ULK4: variants seen among roughly 807,000 people sequenced by gnomAD.
The protein encoded by ULK4 is inactive serine/threonine-protein kinase ULK4.
A neutral mutation model predicts 160.6 loss-of-function variants in ULK4; 133 were observed. The observed-to-expected ratio is 0.83, with a 90% CI of 0.72 to 0.96. ULK4 has a LOEUF of 0.96. Ranked by LOEUF, ULK4 falls within the 40% of genes least tolerant of loss-of-function variation. The pLI, the probability that ULK4 is intolerant of heterozygous loss-of-function variation, is 0.00. For missense variants in ULK4, 1,580 were observed against 1,499.5 expected, an observed-to-expected ratio of 1.05 and a Z score of -0.89; for synonymous variants, 534 against 539.8, an observed-to-expected ratio of 0.99 and a Z score of 0.15.
chr3:41,844,156 T>C (rs1395298149), intron 17 of ULK4, among the ~76,000 whole-genome samples: 1 of 152,124 alleles, frequency 6.6e-6, no homozygotes, highest in Non-Finnish European at 1.5e-5. Flanking sequence ...GCCAGTCCCG[T>C]GCCCTGTGCC....
intron 21 of ULK4, among the ~76,000 whole-genome samples, chr3:41,762,924 A>G (rs552983767): frequency 1.3e-5 from 2 of 152,122 alleles, no homozygotes; most frequent in African/African-American, 4.8e-5. Context: ...CAGCCTCCCA[A>G]AATGCTGGGA....
At chr3:41,353,256 C>A (rs1327045399) in intron 35 of ULK4, among the ~76,000 whole-genome samples, 1 of 152,202 alleles carries the variant, frequency 6.6e-6, no homozygotes, top group Non-Finnish European at 1.5e-5. Context: ...TAAGCATTGA[C>A]CTACCTCACC....
intron 22 of ULK4, among the ~76,000 whole-genome samples, chr3:41,753,707 T>A (rs73828245): frequency 0.08 from 12,198 of 152,236 alleles, 1,566 homozygotes; most frequent in African/African-American, 0.27. Context: ...ACTGGTCTAA[T>A]ATTGACTCCC....
intron 17 of ULK4, among the ~76,000 whole-genome samples, chr3:41,844,179 C>A (rs1458301459): frequency 6.6e-6 from 1 of 152,182 alleles, no homozygotes; most frequent in Non-Finnish European, 1.5e-5. Flanking sequence ...CACTCCTCAG[C>A]CCTTGGGTGG....
At chr3:41,820,940 A>C (rs2041126145) in intron 18 of ULK4, among the ~76,000 whole-genome samples, 1 of 152,192 alleles carries the variant, frequency 6.6e-6, no homozygotes, top group Non-Finnish European at 1.5e-5. Flanking sequence ...GCTCCAACTC[A>C]AAAATCACTA....
intron 32 of ULK4, among the ~76,000 whole-genome samples, chr3:41,501,829 C>T (rs1468453324): frequency 6.6e-6 from 1 of 152,112 alleles, no homozygotes; most frequent in South Asian, 2.1e-4. Flanking sequence ...TTCCCTGCAC[C>T]TCACCCCTCC....
chr3:41,416,496 CTATACCCCTCAA>C (rs1290454738), intron 34 of ULK4, among the ~76,000 whole-genome samples: 1 of 152,166 alleles, frequency 6.6e-6, no homozygotes, highest in Non-Finnish European at 1.5e-5. Flanking sequence ...TTTTCAACTG[CTATACCCCTCAA>C]AACAAAACTA....
intron 32 of ULK4, among the ~76,000 whole-genome samples, chr3:41,537,722 G>C (rs2086556196): frequency 6.6e-6 from 1 of 152,158 alleles, no homozygotes; most frequent in Non-Finnish European, 1.5e-5. Flanking sequence ...TCATTGTCCA[G>C]GCTTTCTTGC....
At chr3:41,577,697 T>A (rs953963709) in intron 31 of ULK4, among the ~76,000 whole-genome samples, 3 of 152,052 alleles carry the variant, frequency 2.0e-5, no homozygotes, top group Non-Finnish European at 4.4e-5. Context: ...AATCATTTAA[T>A]TTTAAAGACA....
chr3:41,819,745 T>A (rs1321343260), intron 18 of ULK4, among the ~76,000 whole-genome samples: 1 of 152,196 alleles, frequency 6.6e-6, no homozygotes, highest in Non-Finnish European at 1.5e-5. Context: ...GATCCCCTCA[T>A]TAGAAGGTAG....
rs1323564944 is a variant in ULK4 at position 41,610,106 on chromosome 3, C to T, written c.3120+5563G>A. 2.0e-5 allele frequency among the ~76,000 whole-genome samples: 3 copies of T among 151,598 alleles called. No individual in the cohort carries two copies. In the East Asian group the frequency reaches 5.8e-4, roughly 29 times the overall value. ...ATCTCAGCTCACTGCAACCTCTGCC[C>T]CCTGGGTTCAAGCAATTGTCTGCCT... On this transcript the variant is annotated intron_variant, in intron 31 of 36. Coordinates refer to ENST00000301831, the MANE Select transcript of ULK4 (RefSeq NM_017886.4).
At chr3:41,495,531 G>C (rs1363474278) in intron 32 of ULK4, among the ~76,000 whole-genome samples, 1 of 151,480 alleles carries the variant, frequency 6.6e-6, no homozygotes, top group Non-Finnish European at 1.5e-5. Flanking sequence ...AGGACTTCAT[G>C]TCTAAAACAC....
At chr3:41,251,888 G>A (rs944901957) in intron 35 of ULK4, among the ~76,000 whole-genome samples, 1 of 152,204 alleles carries the variant, frequency 6.6e-6, no homozygotes, top group African/African-American at 2.4e-5. Flanking sequence ...ATCAAGAAGA[G>A]CTTAGTAAAG....
intron 32 of ULK4, among the ~76,000 whole-genome samples, chr3:41,564,679 A>G (rs2700448): frequency 0.5 from 75,841 of 151,332 alleles, 20,919 homozygotes; most frequent in Admixed American, 0.64. Context: ...GGCTGGCCTC[A>G]AACTCCTGAC....
chr3:41,413,139 G>A (rs1575529096), intron 34 of ULK4, among the ~76,000 whole-genome samples: 2 of 152,264 alleles, frequency 1.3e-5, no homozygotes, highest in South Asian at 2.1e-4. Flanking sequence ...TGACAGCCAC[G>A]TGAAAGGGGT....
chr3:41,305,560 C>T (rs1389193742), intron 35 of ULK4, among the ~76,000 whole-genome samples: 3 of 152,202 alleles, frequency 2.0e-5, no homozygotes, highest in African/African-American at 7.2e-5. Context: ...GGCGTGATCT[C>T]GGCTCGCTAC....
intron 35 of ULK4, among the ~76,000 whole-genome samples, chr3:41,396,351 A>G (rs6786191): frequency 0.57 from 85,923 of 151,662 alleles, 25,719 homozygotes; most frequent in African/African-American, 0.79. Context: ...AAAAAATCTG[A>G]TCCTGAGTTT....
At chr3:41,818,858 C>G (rs753022072) in intron 19 of ULK4, among the ~76,000 whole-genome samples, 1 of 152,248 alleles carries the variant, frequency 6.6e-6, no homozygotes, top group Non-Finnish European at 1.5e-5. Context: ...CATAGTTACA[C>G]GTGGGAGCTA....
chr3:41,746,492 A>G (rs1431466236), intron 22 of ULK4, among the ~76,000 whole-genome samples: 2 of 144,258 alleles, frequency 1.4e-5, no homozygotes, highest in Non-Finnish European at 3.1e-5. Context: ...AAACAAGGTT[A>G]AAAAAAAAAA....
Sources: allele counts gnomAD v4.1 joint callset (sites outside exome capture counted in the v4.1 genomes callset), GRCh38; gene constraint gnomAD v4.1.1; transcripts MANE v1.5; gene names NCBI Gene and HGNC (gene_info 2026-07-23, HGNC 2026-07-21).